RAP1GDS1: variants seen among roughly 807,000 people sequenced by gnomAD.
RAP1GDS1 encodes the protein RAP1, GTP-GDP dissociation stimulator 1.
A neutral mutation model predicts 71.1 loss-of-function variants in RAP1GDS1; 35 were observed. The observed-to-expected ratio is 0.49, with a 90% CI of 0.38 to 0.65. The LOEUF (loss-of-function observed/expected upper bound fraction) is 0.65, where lower values mean the gene tolerates loss of function less well. Ranked by LOEUF, RAP1GDS1 falls within the 30% of genes least tolerant of loss-of-function variation. The pLI, the probability that RAP1GDS1 is intolerant of heterozygous loss-of-function variation, is 0.00. For missense variants in RAP1GDS1, 663 were observed against 706.1 expected, an observed-to-expected ratio of 0.94 and a Z score of 0.69; for synonymous variants, 229 against 243.1, an observed-to-expected ratio of 0.94 and a Z score of 0.54.
chr4:98,280,456 G>A (rs907636001), intron 1 of RAP1GDS1, among the ~76,000 whole-genome samples: 13 of 151,996 alleles, frequency 8.6e-5, no homozygotes, highest in Non-Finnish European at 1.6e-4. Context: ...TGATGGGGTT[G>A]TTTGTTTTTT....
At chr4:98,270,366 A>G (rs1334486589) in intron 1 of RAP1GDS1, among the ~76,000 whole-genome samples, 1 of 152,192 alleles carries the variant, frequency 6.6e-6, no homozygotes, top group Non-Finnish European at 1.5e-5. Context: ...TATCATTGGT[A>G]TCTTAAATAT....
chr4:98,337,608 C>T (rs1352253284), intron 2 of RAP1GDS1, among the ~76,000 whole-genome samples: 1 of 151,972 alleles, frequency 6.6e-6, no homozygotes, highest in East Asian at 1.9e-4. Flanking sequence ...TACAAATGCT[C>T]TTAATAAAAA....
intron 6 of RAP1GDS1, among the ~76,000 whole-genome samples, chr4:98,401,554 TGGA>T (rs1467697497): frequency 1.3e-5 from 2 of 152,038 alleles, no homozygotes; most frequent in African/African-American, 2.4e-5. Context: ...GAAGAAGAAA[TGGA>T]GGAGAGGAAA....
chr4:98,372,232 G>A (rs966512042), intron 4 of RAP1GDS1, among the ~76,000 whole-genome samples: 4 of 151,990 alleles, frequency 2.6e-5, no homozygotes, highest in Non-Finnish European at 5.9e-5. Flanking sequence ...GCGCGATCTC[G>A]GCTCACTGCA....
chr4:98,334,029 T>C (rs182066860), intron 2 of RAP1GDS1, among the ~76,000 whole-genome samples: 3 of 152,294 alleles, frequency 2.0e-5, no homozygotes, highest in East Asian at 3.9e-4. Flanking sequence ...GAATACATTT[T>C]TATTAAGTTT....
chr4:98,399,918 G>A (rs1336629829), intron 6 of RAP1GDS1, among the ~76,000 whole-genome samples: 1 of 152,090 alleles, frequency 6.6e-6, no homozygotes, highest in Admixed American at 6.5e-5. Context: ...ACTTTGGGAG[G>A]CTGAAGCAGG....
intron 1 of RAP1GDS1, among the ~76,000 whole-genome samples, chr4:98,286,017 A>C (rs1337949074): frequency 6.6e-6 from 1 of 151,222 alleles, no homozygotes; most frequent in Non-Finnish European, 1.5e-5. Context: ...CTATAATTCT[A>C]GCATGTTGCG....
At chr4:98,277,755 C>T (rs1349349664) in intron 1 of RAP1GDS1, among the ~76,000 whole-genome samples, 2 of 152,150 alleles carry the variant, frequency 1.3e-5, no homozygotes, top group African/African-American at 2.4e-5. Context: ...TACAAAGTCA[C>T]TACAGATTTA....
intron 4 of RAP1GDS1, among the ~76,000 whole-genome samples, chr4:98,373,218 A>T (rs890012822): frequency 2.0e-5 from 3 of 152,218 alleles, no homozygotes; most frequent in African/African-American, 7.2e-5. Flanking sequence ...TTACTGGAAG[A>T]TATTTTCACT....
In RAP1GDS1 at chr4:98,349,733, T is replaced by A. The variant is rs1736866139; in HGVS notation, c.236-2743T>A. Among the ~76,000 whole-genome samples, 3 of 152,194 alleles carry A rather than the reference T, an allele frequency of 2.0e-5. No homozygotes were observed. In the South Asian group the frequency reaches 6.2e-4, roughly 31 times the overall value. On this transcript the variant is annotated intron_variant, in intron 3 of 14. Transcript: ENST00000408927. ...TATTTTATTCTCTTTGAAGCAATTG[T>A]GAATGGGAGTTCACTCATGATTTGG...
chr4:98,443,539 C>T lies in RAP1GDS1; in HGVS notation c.*1422C>T, dbSNP rs1752122601. ...GTAGAAAGGGCTGCCACGGAGGTGA[C>T]AGTAGCTCCTTCCTCTCCAACATGT... On this transcript the variant is annotated 3_prime_UTR_variant, in exon 15 of 15. Coordinates refer to ENST00000408927, the MANE Select transcript of RAP1GDS1 (RefSeq NM_001100427.2). 4.8e-5 allele frequency: 11 copies of T among 226,950 alleles called. No homozygotes were observed. In the Admixed American group the frequency reaches 6.3e-4, roughly 13 times the overall value. 14.1% of individuals were successfully genotyped at this position (226,950 alleles called of 1,614,324 possible).
At chr4:98,367,063 C>T (rs374514422) in intron 4 of RAP1GDS1, among the ~76,000 whole-genome samples, 1 of 152,172 alleles carries the variant, frequency 6.6e-6, no homozygotes, top group Non-Finnish European at 1.5e-5. Flanking sequence ...CACAGCAGCC[C>T]CTCCCATCAC....
chr4:98,273,532 C>G (rs1723787761), intron 1 of RAP1GDS1, among the ~76,000 whole-genome samples: 1 of 151,276 alleles, frequency 6.6e-6, no homozygotes, highest in South Asian at 2.1e-4. Context: ...TTTTAAAGTT[C>G]TTTTGGGATA....
At chr4:98,385,055 ATAT>A (rs1742536272) in intron 5 of RAP1GDS1, among the ~76,000 whole-genome samples, 1 of 151,710 alleles carries the variant, frequency 6.6e-6, no homozygotes, top group Non-Finnish European at 1.5e-5. Flanking sequence ...CCGTTATCAA[ATAT>A]TATTTTCAAG....
chr4:98,339,319 AAAG>A (rs1735153645), intron 2 of RAP1GDS1, among the ~76,000 whole-genome samples: 1 of 152,126 alleles, frequency 6.6e-6, no homozygotes, highest in Non-Finnish European at 1.5e-5. Context: ...ATACTATTTT[AAAG>A]TAGCAATTGC....
At chr4:98,310,349 C>G (rs1485768289) in intron 2 of RAP1GDS1, among the ~76,000 whole-genome samples, 2 of 152,064 alleles carry the variant, frequency 1.3e-5, no homozygotes, top group African/African-American at 4.8e-5. Context: ...AGTGTCTACA[C>G]TAGATCTTAG....
Position 98,441,926 on chromosome 4 carries a change from A to G in RAP1GDS1, c.1697-64A>G, listed in dbSNP as rs76882494. ...GTCTTGTCAAAATAAACATTTTGGTATATGTTTTGGATAGACTTAGAACAA... is the reference window on the plus strand; with the variant it reads ...GTCTTGTCAAAATAAACATTTTGGTGTATGTTTTGGATAGACTTAGAACAA... On this transcript the variant is annotated intron_variant, in intron 14 of 14. Coordinates refer to ENST00000408927, the MANE Select transcript of RAP1GDS1 (RefSeq NM_001100427.2). The G allele has an allele frequency of 1.7e-3, 2,682 of 1,541,620 alleles. 48 individuals are homozygous for G. The African/African-American group carries it at 0.032, about 19-fold the overall frequency.
At chr4:98,297,186 C>T (rs895865809) in intron 2 of RAP1GDS1, among the ~76,000 whole-genome samples, 3 of 152,108 alleles carry the variant, frequency 2.0e-5, no homozygotes, top group African/African-American at 7.2e-5. Context: ...CATCTCTAAT[C>T]TTCTATGATA....
chr4:98,331,495 T>C (rs1379345729), intron 2 of RAP1GDS1, among the ~76,000 whole-genome samples: 1 of 152,136 alleles, frequency 6.6e-6, no homozygotes, highest in Non-Finnish European at 1.5e-5. Context: ...TTATCAACAA[T>C]TGACAAGAAA....
Sources: allele counts gnomAD v4.1 joint callset (sites outside exome capture counted in the v4.1 genomes callset), GRCh38; gene constraint gnomAD v4.1.1; transcripts MANE v1.5; gene names NCBI Gene and HGNC (gene_info 2026-07-23, HGNC 2026-07-21).